The following MTA3 variants were observed in gnomAD, a reference collection of about 807,000 sequenced individuals.
MTA3 encodes the protein metastasis associated 1 family member 3, also known as metastasis-associated protein MTA3.
In MTA3, 34 loss-of-function variants were observed where a neutral mutation model predicts 83.5. The ratio of observed to expected loss-of-function variants is 0.41; its 90% confidence interval spans 0.31 to 0.54. The LOEUF (loss-of-function observed/expected upper bound fraction) is 0.54. Among genes scored for constraint, MTA3 ranks in the 20% least tolerant of loss-of-function variants. The pLI, the probability that MTA3 is intolerant of heterozygous loss-of-function variation, is 0.33. For synonymous variants in MTA3, 303 were observed against 252.7 expected (o/e 1.20, Z -1.89); for missense variants, 761 against 726.4 (o/e 1.05, Z -0.55).
intron 8 of MTA3, among the ~76,000 whole-genome samples, chr2:42,672,286 C>CTTGAGACCAGGAGT: frequency 6.6e-6 from 1 of 151,134 alleles, no homozygotes; most frequent in East Asian, 2.0e-4. Flanking sequence ...CACTTAAAAG[C>CTTGAGACCAGGAGT]TTGAGACCAG....
intron 6 of MTA3, among the ~76,000 whole-genome samples, chr2:42,648,898 C>G (rs929507170): frequency 6.6e-6 from 1 of 152,152 alleles, no homozygotes; most frequent in Non-Finnish European, 1.5e-5. Flanking sequence ...GTAATCCTGA[C>G]TATACTATGT....
intron 2 of MTA3, among the ~76,000 whole-genome samples, chr2:42,509,938 C>G (rs1385164170): frequency 1.3e-5 from 2 of 152,084 alleles, no homozygotes; most frequent in Non-Finnish European, 2.9e-5. Flanking sequence ...TGAAAAACCA[C>G]TTCTGTTTTC....
chr2:42,517,654 G>C (rs966924794), intron 2 of MTA3, among the ~76,000 whole-genome samples: 1 of 150,778 alleles, frequency 6.6e-6, no homozygotes, highest in Non-Finnish European at 1.5e-5. Flanking sequence ...GAAGGAAGGT[G>C]ATCACCTGAG....
At chr2:42,701,873 C>T (rs1276784344) in intron 11 of MTA3, among the ~76,000 whole-genome samples, 2 of 151,374 alleles carry the variant, frequency 1.3e-5, no homozygotes, top group Non-Finnish European at 1.5e-5. Context: ...CGAGATCACG[C>T]CACTGCACTC....
chr2:42,497,678 T>A (rs1572879879), intron 2 of MTA3, among the ~76,000 whole-genome samples: 1 of 152,106 alleles, frequency 6.6e-6, no homozygotes, highest in East Asian at 1.9e-4. Flanking sequence ...TGGAGCCAGT[T>A]CCTTAAACCT....
chr2:42,671,458 C>G (rs1318397307), intron 8 of MTA3, among the ~76,000 whole-genome samples: 1 of 151,476 alleles, frequency 6.6e-6, no homozygotes, highest in Non-Finnish European at 1.5e-5. Context: ...GGTACATATT[C>G]TGTTTATTTT....
At chr2:42,673,624 C>A (rs6544585) in intron 8 of MTA3, among the ~76,000 whole-genome samples, 95,383 of 151,934 alleles carry the variant, frequency 0.63, 29,973 homozygotes, top group Middle Eastern at 0.72. Flanking sequence ...ATTAGGGATT[C>A]CCCTTGGGAT....
intron 16 of MTA3, among the ~76,000 whole-genome samples, chr2:42,738,413 T>A (rs1189286350): frequency 6.6e-6 from 1 of 152,220 alleles, no homozygotes; most frequent in Non-Finnish European, 1.5e-5. Flanking sequence ...TTGTAAAGAT[T>A]TCATGGACAC....
chr2:42,496,286 G>T (rs992079438), intron 2 of MTA3, among the ~76,000 whole-genome samples: 1 of 152,150 alleles, frequency 6.6e-6, no homozygotes, highest in Non-Finnish European at 1.5e-5. Context: ...TTTGTTTCAA[G>T]AGTAATATTT....
chr2:42,709,359 C>G (rs1243139396), intron 14 of MTA3: 1 of 1,229,232 alleles, frequency 8.1e-7, no homozygotes, highest in African/African-American at 1.6e-5. Context: ...GGGAGGTGAT[C>G]CTATTCCATG....
At chr2:42,616,055 A>ATC (rs1300171972) in intron 4 of MTA3, among the ~76,000 whole-genome samples, 3 of 147,948 alleles carry the variant, frequency 2.0e-5, no homozygotes, top group Non-Finnish European at 4.5e-5. Flanking sequence ...GCCGCTAATA[A>ATC]TCTCTTCTTT....
intron 6 of MTA3, among the ~76,000 whole-genome samples, chr2:42,654,678 G>C (rs976408773): frequency 6.6e-6 from 1 of 152,196 alleles, no homozygotes; most frequent in East Asian, 1.9e-4. Flanking sequence ...GCCGTGGTAT[G>C]ATTATGGCTC....
At chr2:42,649,565 G>A (rs1573471242) in intron 6 of MTA3, among the ~76,000 whole-genome samples, 1 of 152,200 alleles carries the variant, frequency 6.6e-6, no homozygotes, top group East Asian at 1.9e-4. Context: ...TGAAAATTGT[G>A]TCAGTTCATA....
chr2:42,580,613 G>C (rs1044947864), intron 3 of MTA3, among the ~76,000 whole-genome samples: 2 of 151,034 alleles, frequency 1.3e-5, no homozygotes, highest in African/African-American at 4.9e-5. Context: ...CTCATGATCT[G>C]CTGACTTCAG....
At chr2:42,678,780 G>A (rs549259952) in intron 8 of MTA3, among the ~76,000 whole-genome samples, 3 of 152,190 alleles carry the variant, frequency 2.0e-5, no homozygotes, top group African/African-American at 7.2e-5. Context: ...GCATCACTGT[G>A]TGTGTGTGTA....
chr2:42,639,960 A>G (rs1036193949), intron 4 of MTA3, among the ~76,000 whole-genome samples: 1 of 152,148 alleles, frequency 6.6e-6, no homozygotes, highest in Non-Finnish European at 1.5e-5. Flanking sequence ...CCAACAGGCT[A>G]GCCTCTCAAG....
intron 16 of MTA3, 155 bp downstream of exon 16, chr2:42,723,190 C>T: frequency 1.1e-6 from 1 of 909,224 alleles, no homozygotes; most frequent in African/African-American, 1.7e-5. Flanking sequence ...AGCCATATGC[C>T]ACATTTTGCC....
chr2:42,750,022 T>C (rs1374028905), intron 16 of MTA3, among the ~76,000 whole-genome samples: 1 of 152,106 alleles, frequency 6.6e-6, no homozygotes, highest in Non-Finnish European at 1.5e-5. Context: ...AGACGGAGTC[T>C]CACTCTGTCG....
chr2:42,555,466 AAAAAAAAAAAAG>A (rs1359319336), intron 2 of MTA3, among the ~76,000 whole-genome samples: 4 of 149,914 alleles, frequency 2.7e-5, no homozygotes, highest in African/African-American at 9.8e-5. Flanking sequence ...AAAAAAAAAA[AAAAAAAAAAAAG>A]AGCCGGGCGC....
Sources: gnomAD v4.1 joint callset for allele counts (sites outside exome capture counted in the v4.1 genomes callset) on GRCh38, gnomAD v4.1.1 for gene constraint, MANE v1.5 for transcripts, NCBI Gene and HGNC (gene_info 2026-07-23, HGNC 2026-07-21) for gene names.